Variants in FAM53A observed in about 807,000 individuals in gnomAD.
FAM53A encodes the protein protein FAM53A.
FAM53A carries 28 observed loss-of-function variants against 26.6 expected under a neutral mutation model. The observed-to-expected ratio is 1.05, with a 90% confidence interval of 0.78 to 1.45. FAM53A has a LOEUF of 1.45. FAM53A is among the 40% of genes most tolerant of loss of function. The pLI is 0.00. For synonymous variants in FAM53A, 290 were observed against 253.1 expected (o/e 1.15, Z -1.38); for missense variants, 650 against 575.8 (o/e 1.13, Z -1.32).
chr4:1,601,904 T>G, the FAM53A span, among the ~76,000 whole-genome samples: 3 of 38,014 alleles, frequency 7.9e-5, no homozygotes, highest in Admixed American at 3.6e-4. Context: ...CAGTCCAGCT[T>G]GTGTGGGGCC....
intron 1 of FAM53A, among the ~76,000 whole-genome samples, chr4:1,633,906 G>A (rs1577093574): frequency 6.6e-6 from 1 of 152,202 alleles, no homozygotes; most frequent in Admixed American, 6.5e-5. Flanking sequence ...ATGACTGGGG[G>A]GTCTGGCTAC....
the FAM53A span, among the ~76,000 whole-genome samples, chr4:1,599,630 G>A: frequency 1.3e-5 from 2 of 152,306 alleles, no homozygotes; most frequent in Admixed American, 6.5e-5. The surrounding 1 kb of genome is among the most constrained non-coding windows in gnomAD (Gnocchi z 6.1). Context: ...ACCTCTGCAA[G>A]AGCCTAGGCG....
chr4:1,658,513 C>T (rs762603740), intron 2 of FAM53A, among the ~76,000 whole-genome samples: 4 of 152,236 alleles, frequency 2.6e-5, no homozygotes, highest in South Asian at 2.1e-4. Context: ...GGGACCTGAG[C>T]GCCTAAGCCA....
chr4:1,620,936 T>A (rs566173918), intron 1 of FAM53A, among the ~76,000 whole-genome samples: 2 of 152,158 alleles, frequency 1.3e-5, no homozygotes, highest in South Asian at 4.2e-4. Context: ...AGGCAACCTC[T>A]GGCTTTTTTC....
the FAM53A span, among the ~76,000 whole-genome samples, chr4:1,596,005 G>C: frequency 6.6e-6 from 1 of 152,252 alleles, no homozygotes; most frequent in Non-Finnish European, 1.5e-5. Flanking sequence ...ATCTTGAGAC[G>C]TGGGGCCACA....
chr4:1,685,547 G>T (rs1715764457), upstream of FAM53A, among the ~76,000 whole-genome samples: 2 of 152,114 alleles, frequency 1.3e-5, no homozygotes, highest in Admixed American at 6.5e-5. Context: ...GCTCCCAGGG[G>T]TCAGGCTGGG....
At chr4:1,618,209 C>T in intron 1 of FAM53A, 1 of 453,362 alleles carries the variant, frequency 2.2e-6, no homozygotes, top group East Asian at 7.0e-5. Context: ...GTGAGGCTGG[C>T]CTTGAGCCCG....
the FAM53A span, among the ~76,000 whole-genome samples, chr4:1,582,393 C>T: frequency 5.3e-5 from 8 of 152,274 alleles, no homozygotes; most frequent in South Asian, 4.1e-4. Flanking sequence ...CACCACCCCG[C>T]GGGGAAAGAC....
intron 4 of FAM53A, among the ~76,000 whole-genome samples, chr4:1,645,305 A>C (rs1308995574): frequency 2.6e-5 from 4 of 152,230 alleles, no homozygotes; most frequent in Non-Finnish European, 5.9e-5. Flanking sequence ...TCAGGCGAGG[A>C]GGCCAGTGTG....
chr4:1,614,931 C>A (rs74575269), downstream of FAM53A, among the ~76,000 whole-genome samples: 1,967 of 152,310 alleles, frequency 0.013, 150 homozygotes, highest in East Asian at 0.23. Flanking sequence ...CAGCACCGGG[C>A]ACAGGGGCCG....
chr4:1,685,955 G>A (rs1321939718), upstream of FAM53A, among the ~76,000 whole-genome samples: 1 of 152,152 alleles, frequency 6.6e-6, no homozygotes, highest in East Asian at 1.9e-4. Flanking sequence ...CGTCAGAGCT[G>A]TGTGACTGAT....
chr4:1,619,395 T>C (rs11248067), intron 1 of FAM53A, among the ~76,000 whole-genome samples: 93,605 of 152,114 alleles, frequency 0.62, 29,162 homozygotes, highest in African/African-American at 0.7. Context: ...GTGGCGCGCA[T>C]GGAGGGGTAT....
intron 1 of FAM53A, among the ~76,000 whole-genome samples, chr4:1,675,198 G>A (rs1714958115): frequency 6.6e-6 from 1 of 152,302 alleles, no homozygotes; most frequent in East Asian, 1.9e-4. Context: ...GAAGAGACGT[G>A]GGAAGTGAGA....
chr4:1,602,543 C>T, the FAM53A span, among the ~76,000 whole-genome samples: 2 of 152,138 alleles, frequency 1.3e-5, no homozygotes, highest in South Asian at 2.1e-4. Context: ...GCAGCGGCCT[C>T]GAAAATTGCT....
chr4:1,576,047 G>A, the FAM53A span, among the ~76,000 whole-genome samples: 2 of 152,184 alleles, frequency 1.3e-5, no homozygotes, highest in Admixed American at 6.5e-5. Flanking sequence ...GGGCCTATGC[G>A]GTGAGTCCAC....
At chr4:1,608,403 C>T in the FAM53A span, among the ~76,000 whole-genome samples, 1 of 152,148 alleles carries the variant, frequency 6.6e-6, no homozygotes, top group Non-Finnish European at 1.5e-5. Flanking sequence ...CCTGAAACTG[C>T]GTGGATCTGC....
intron 4 of FAM53A, among the ~76,000 whole-genome samples, chr4:1,650,047 G>A (rs1425520933): frequency 7.2e-6 from 1 of 139,204 alleles, no homozygotes; most frequent in Admixed American, 7.1e-5. Context: ...CAGGCGTGGC[G>A]TTTGACTGTG....
intron 1 of FAM53A, among the ~76,000 whole-genome samples, chr4:1,625,108 C>T (rs1372994864): frequency 5.6e-5 from 5 of 88,844 alleles, no homozygotes; most frequent in East Asian, 3.0e-4. Flanking sequence ...GAAGCCCCCA[C>T]GTCCCGACCC....
At chr4:1,612,848 T>C in the FAM53A span, among the ~76,000 whole-genome samples, 1 of 152,134 alleles carries the variant, frequency 6.6e-6, no homozygotes, top group African/African-American at 2.4e-5. Flanking sequence ...CACACGCATG[T>C]ATACACTCAA....
Sources: allele counts gnomAD v4.1 joint callset (sites outside exome capture counted in the v4.1 genomes callset), GRCh38; gene constraint gnomAD v4.1.1; non-coding constraint Gnocchi (gnomAD v3.1); transcripts MANE v1.5; gene names NCBI Gene and HGNC (gene_info 2026-07-23, HGNC 2026-07-21).